Variants in SYN3 observed in about 807,000 individuals in gnomAD.
SYN3 encodes the protein synapsin-3.
In SYN3, 35 loss-of-function variants were observed where a neutral mutation model predicts 65.8. That is an observed-to-expected ratio of 0.53 (90% confidence interval 0.41 to 0.70). The LOEUF (loss-of-function observed/expected upper bound fraction) is 0.70. SYN3 is among the 30% of genes least tolerant of loss of function. SYN3 has a pLI of 0.00. For synonymous variants in SYN3, 270 were observed against 292.9 expected, an observed-to-expected ratio of 0.92 and a Z score of 0.80; for missense variants, 680 against 749.0, an observed-to-expected ratio of 0.91 and a Z score of 1.08.
chr22:32,646,693 G>A (rs1259834826), intron 6 of SYN3, among the ~76,000 whole-genome samples: 2 of 152,184 alleles, frequency 1.3e-5, no homozygotes, highest in African/African-American at 4.8e-5. Context: ...GGGTTTTCTC[G>A]GGTTTGAGTC....
intron 6 of SYN3, among the ~76,000 whole-genome samples, chr22:32,683,994 G>C (rs1302501469): frequency 1.3e-5 from 2 of 152,098 alleles, no homozygotes; most frequent in Non-Finnish European, 2.9e-5. Flanking sequence ...TGCATTCGTG[G>C]ACTTTTGGTC....
At chr22:32,523,145 T>C (rs781387601) in intron 12 of SYN3, among the ~76,000 whole-genome samples, 23 of 152,232 alleles carry the variant, frequency 1.5e-4, no homozygotes, top group Non-Finnish European at 2.8e-4. Context: ...GTTATGGTGA[T>C]CCGTAATCAG....
intron 6 of SYN3, among the ~76,000 whole-genome samples, chr22:32,681,289 C>T (rs1034979637): frequency 6.6e-6 from 1 of 150,592 alleles, no homozygotes; most frequent in Non-Finnish European, 1.5e-5. Flanking sequence ...CTACTGGCAT[C>T]GAGTTAGTAG....
chr22:32,849,100 A>AG, intron 6 of SYN3, among the ~76,000 whole-genome samples: 1 of 152,302 alleles, frequency 6.6e-6, no homozygotes, highest in Admixed American at 6.5e-5. Flanking sequence ...TGGACAAGGG[A>AG]GGGGGGACAA....
chr22:32,528,850 C>G (rs1156231944), intron 11 of SYN3, 24 bp downstream of exon 11: 2 of 1,613,854 alleles, frequency 1.2e-6, no homozygotes, highest in Non-Finnish European at 1.7e-6. Flanking sequence ...GCTATAAAGT[C>G]TCCTTTGATC....
At chr22:32,989,129 G>A (rs1457173228) in intron 2 of SYN3, among the ~76,000 whole-genome samples, 1 of 152,204 alleles carries the variant, frequency 6.6e-6, no homozygotes, top group East Asian at 1.9e-4. Flanking sequence ...AAGGAAGTGC[G>A]TGAGCACCAC....
chr22:32,917,581 G>A (rs1601691302), intron 4 of SYN3, among the ~76,000 whole-genome samples: 2 of 152,218 alleles, frequency 1.3e-5, no homozygotes, highest in East Asian at 1.9e-4. Context: ...GGGGGGTGGT[G>A]GAGTGGGACC....
chr22:32,975,105 G>A (rs1279354146), intron 3 of SYN3, among the ~76,000 whole-genome samples: 9 of 152,224 alleles, frequency 5.9e-5, no homozygotes, highest in East Asian at 1.9e-4. Flanking sequence ...AGCTGGGTGC[G>A]GTGGCTCATG....
intron 12 of SYN3, chr22:32,527,686 C>T (rs117513935): frequency 0.019 from 8,509 of 442,904 alleles, 134 homozygotes; most frequent in Non-Finnish European, 0.024. Flanking sequence ...GGGACATTCC[C>T]TGGCACAGTG....
chr22:32,903,082 C>T (rs2049806375), intron 4 of SYN3, among the ~76,000 whole-genome samples: 1 of 152,130 alleles, frequency 6.6e-6, no homozygotes, highest in African/African-American at 2.4e-5. Context: ...GATGCTCAGC[C>T]CCTATGTCTG....
chr22:32,529,175 G>A, intron 10 of SYN3, 167 bp from the exon 11 acceptor site: 2 of 759,994 alleles, frequency 2.6e-6, no homozygotes, highest in Non-Finnish European at 4.3e-6. Flanking sequence ...AGCGACATCA[G>A]TTCCCTTCGG....
chr22:33,006,459 C>A lies in SYN3; in HGVS notation c.204G>T (p.Lys68Asn). ...SLFSSLSSAM[K>N]QAPQATSGLM... ...GTCCTGAGGTGGCCTGAGGGGCCTG[C>A]TTCATGGCACTGGAGAGGGAGCTAA... Residue 68 changes from lysine (K) to asparagine (N), a missense_variant, in exon 2 of 14, where the codon AAG (lysine) becomes AAT (asparagine). Transcript: ENST00000358763. 6.2e-7 allele frequency: 1 copy of A among 1,614,164 alleles called. No individual in the cohort carries two copies. The highest frequency in any genetic ancestry group is 1.1e-5 in the South Asian group (1 of 91,074).
chr22:32,734,429 G>A (rs145111045), intron 6 of SYN3, among the ~76,000 whole-genome samples: 1 of 152,326 alleles, frequency 6.6e-6, no homozygotes, highest in African/African-American at 2.4e-5. Flanking sequence ...AGGGATGGGG[G>A]CAGAGACACT....
chr22:32,939,838 G>A (rs2050885697), intron 3 of SYN3, among the ~76,000 whole-genome samples: 1 of 152,090 alleles, frequency 6.6e-6, no homozygotes, highest in African/African-American at 2.4e-5. Context: ...CTCTTTTGGT[G>A]GACATATACA....
At chr22:32,711,476 G>C (rs545801658) in intron 6 of SYN3, among the ~76,000 whole-genome samples, 1 of 152,320 alleles carries the variant, frequency 6.6e-6, no homozygotes, top group Admixed American at 6.5e-5. Flanking sequence ...GTAAAGAAGA[G>C]GAGCTGTTTC....
chr22:32,962,129 CTT>C (rs58025844), intron 3 of SYN3, among the ~76,000 whole-genome samples: 4 of 107,194 alleles, frequency 3.7e-5, no homozygotes, highest in African/African-American at 1.1e-4. Context: ...TTTAGAATCT[CTT>C]TTTTTTTTTT....
chr22:32,946,334 C>A (rs1177797360), intron 3 of SYN3, among the ~76,000 whole-genome samples: 1 of 152,120 alleles, frequency 6.6e-6, no homozygotes, highest in Non-Finnish European at 1.5e-5. Flanking sequence ...AAATGTGGCA[C>A]ATATACACCA....
rs141998691 is a variant in SYN3 at position 32,510,999 on chromosome 22, GTGTGTGTGTGTGTGTGT to G, written c.*2676_*2692del. ...ATTGTCCAGGCGTGTGTGTGTGTGT[GTGTGTGTGTGTGTGTGT>G]AAGGGGACTCCTAGAATCACTGGCT... On this transcript the variant is annotated 3_prime_UTR_variant, in exon 14 of 14. Coordinates refer to ENST00000358763, the MANE Select transcript of SYN3 (RefSeq NM_003490.4). Among the ~76,000 whole-genome samples the G allele has an allele frequency of 0.15, 23,472 of 151,876 alleles. 2,096 individuals are homozygous for G. The highest frequency in any genetic ancestry group is 0.22 in the Non-Finnish European group (14,697 of 67,882).
At chr22:32,974,082 C>A (rs999444343) in intron 3 of SYN3, among the ~76,000 whole-genome samples, 1 of 152,220 alleles carries the variant, frequency 6.6e-6, no homozygotes, top group Non-Finnish European at 1.5e-5. Context: ...AGCCACTGCA[C>A]CCAACTCAAA....
Sources: gnomAD v4.1 joint callset for allele counts (sites outside exome capture counted in the v4.1 genomes callset) on GRCh38, gnomAD v4.1.1 for gene constraint, MANE v1.5 for transcripts, NCBI Gene and HGNC (gene_info 2026-07-23, HGNC 2026-07-21) for gene names.